Variants in HOGA1 observed in about 807,000 individuals in gnomAD.
HOGA1 encodes the protein 4-hydroxy-2-oxoglutarate aldolase, mitochondrial.
In HOGA1, 30 loss-of-function variants were observed where a neutral mutation model predicts 34.3. That is an observed-to-expected ratio of 0.87 (90% CI 0.65 to 1.19). The LOEUF is 1.19. HOGA1 is among the 50% of genes most tolerant of loss of function. The pLI, the probability that HOGA1 is intolerant of heterozygous loss-of-function variation, is 0.00. For synonymous variants in HOGA1, 161 were observed against 174.0 expected, an observed-to-expected ratio of 0.93 and a Z score of 0.59; for missense variants, 417 against 436.5, an observed-to-expected ratio of 0.96 and a Z score of 0.40.
chr10:97,585,531 T>G (rs532819493), intron 1 of HOGA1, among the ~76,000 whole-genome samples: 14 of 152,320 alleles, frequency 9.2e-5, no homozygotes, highest in Admixed American at 2.6e-4. Context: ...TGTCAAATTC[T>G]GCCTGCCCTG....
At chr10:97,593,050 A>AAAAAAAAG (rs2041040287) in intron 1 of HOGA1, among the ~76,000 whole-genome samples, 1 of 150,790 alleles carries the variant, frequency 6.6e-6, no homozygotes, top group African/African-American at 2.4e-5. Context: ...AAAAAAAAAA[A>AAAAAAAAG]AGAGAATGGT....
intron 2 of HOGA1, 92 bp downstream of exon 2, chr10:97,598,995 C>T (rs140206579): frequency 6.2e-7 from 1 of 1,607,850 alleles, no homozygotes; most frequent in African/African-American, 1.3e-5. Flanking sequence ...CTTGTTCTGC[C>T]TCTTCTGGGA....
At chr10:97,594,168 CTTTTTTTT>C (rs71007354) in intron 1 of HOGA1, among the ~76,000 whole-genome samples, 21 of 43,434 alleles carry the variant, frequency 4.8e-4, no homozygotes, top group African/African-American at 2.1e-3. Flanking sequence ...TGCGCCTGGT[CTTTTTTTT>C]TTTTTTTTTT....
chr10:97,608,935 A>C (rs1030214334), intron 6 of HOGA1, among the ~76,000 whole-genome samples: 6 of 152,026 alleles, frequency 3.9e-5, no homozygotes, highest in African/African-American at 1.5e-4. Flanking sequence ...GGCACTCCAC[A>C]ATATTTTGTT....
chr10:97,584,673 A>T lies in HOGA1; in HGVS notation c.-31A>T. On this transcript the variant is annotated 5_prime_UTR_variant, in exon 1 of 7. Coordinates refer to ENST00000370646, the MANE Select transcript of HOGA1 (RefSeq NM_138413.4). Reference sequence around the variant, plus strand: ...CAAACTAAGTCTCACTCTGGGACATAGACCAATTGTGCTTCAGGCCTCCTG... The same window carrying T: ...CAAACTAAGTCTCACTCTGGGACATTGACCAATTGTGCTTCAGGCCTCCTG... 6.4e-7 allele frequency: 1 copy of T among 1,561,776 alleles called. No individual in the cohort carries two copies. Among genetic ancestry groups the T allele is most frequent in the Non-Finnish European group, 8.8e-7 (1 of 1,138,310 alleles).
chr10:97,589,801 C>T, intron 1 of HOGA1: 1 of 888,368 alleles, frequency 1.1e-6, no homozygotes, highest in Non-Finnish European at 1.8e-6. Context: ...CTCTGCCTGC[C>T]TGGTGTAGGG....
intron 1 of HOGA1, among the ~76,000 whole-genome samples, chr10:97,585,514 A>G (rs1478326776): frequency 6.6e-6 from 1 of 152,190 alleles, no homozygotes; most frequent in African/African-American, 2.4e-5. Flanking sequence ...ATGAAGGTAG[A>G]AGAAAATGTC....
intron 1 of HOGA1, among the ~76,000 whole-genome samples, chr10:97,587,798 G>A (rs1439333269): frequency 1.3e-5 from 2 of 151,970 alleles, no homozygotes; most frequent in Admixed American, 6.6e-5. Context: ...GAGCCACCGC[G>A]CTGGGCCTCT....
At position 97,584,519 on chromosome 10, in the gene HOGA1, TGG is replaced by T. The variant is rs984017005; in HGVS notation, c.-182_-181del. 8 of 604,632 alleles carry T rather than the reference TGG, an allele frequency of 1.3e-5. No individual in the cohort carries two copies. The highest frequency in any genetic ancestry group is 2.3e-5 in the Non-Finnish European group (8 of 342,106). 37.5% of individuals were successfully genotyped at this position (604,632 alleles called of 1,614,324 possible). On this transcript the variant is annotated 5_prime_UTR_variant, in exon 1 of 7. Transcript: ENST00000370646. ...GCTACCCAGAAGGAACAGGGCCCCC[TGG>T]GGCCTATAGGCCTTGCCCCTGACCC...
intron 1 of HOGA1, among the ~76,000 whole-genome samples, chr10:97,594,325 G>A (rs190270728): frequency 5.9e-5 from 9 of 151,736 alleles, no homozygotes; most frequent in South Asian, 2.1e-4. Flanking sequence ...ACAGGTGCGC[G>A]CCTCCATGCT....
rs772566254 is a variant in HOGA1 at position 97,598,872 on chromosome 10, C to G, written c.309C>G (p.Asn103Lys). ...GTGTGCGCCAGGCCATGCCCAAGAA[C>G]AGGCTCCTGCTAGCTGGCTCCGGAT... ...VSRVRQAMPK[N>K]RLLLAGSGCE... Residue 103 changes from asparagine to lysine, a missense_variant, in exon 2 of 7, where the codon AAC (asparagine) becomes AAG (lysine). Transcript: ENST00000370646. 1.9e-6 allele frequency: 3 copies of G among 1,614,172 alleles called. No homozygotes were observed. Among genetic ancestry groups the G allele is most frequent in the East Asian group, 2.2e-5 (1 of 44,880 alleles).
rs182710970 is a variant in HOGA1, at chr10:97,602,811, A to C, written c.834+821A>C. Among the ~76,000 whole-genome samples the C allele has an allele frequency of 1.6e-4, 25 of 151,844 alleles. No homozygotes were observed. In the East Asian group the frequency reaches 4.9e-3, roughly 30 times the overall value. On this transcript the variant is annotated intron_variant, in intron 6 of 6. Transcript: ENST00000370646. Reference sequence around the variant, plus strand: ...TTCTTGTGCCTCACACTCCTGAATAACAGAGATTACACGTGTGCACCACCA... The same window carrying C: ...TTCTTGTGCCTCACACTCCTGAATACCAGAGATTACACGTGTGCACCACCA...
intron 1 of HOGA1, among the ~76,000 whole-genome samples, chr10:97,594,488 G>A: frequency 6.6e-6 from 1 of 151,926 alleles, no homozygotes; most frequent in East Asian, 1.9e-4. Flanking sequence ...CTGAGTAACT[G>A]GGATTACAGG....
chr10:97,588,875 T>C (rs1015537354), intron 1 of HOGA1, among the ~76,000 whole-genome samples: 3 of 152,094 alleles, frequency 2.0e-5, no homozygotes, highest in Non-Finnish European at 4.4e-5. Flanking sequence ...CTAGATGCTT[T>C]TGAGGGGAAA....
At chr10:97,608,244 G>C (rs957743340) in intron 6 of HOGA1, among the ~76,000 whole-genome samples, 1 of 152,174 alleles carries the variant, frequency 6.6e-6, no homozygotes, top group Non-Finnish European at 1.5e-5. Flanking sequence ...CCGTGAGGTC[G>C]AGGCTGCAGT....
chr10:97,611,992 G>A lies in HOGA1; in HGVS notation c.*333G>A. ...TCAGAAAGGAAGGGCAGAGGGGCAA[G>A]TAGGCACAGTAAGGGAATTTTCTTT... On this transcript the variant is annotated 3_prime_UTR_variant, in exon 7 of 7. Transcript: ENST00000370646. 1 of 284,798 alleles carries A rather than the reference G, an allele frequency of 3.5e-6. No homozygotes were observed. The highest frequency in any genetic ancestry group is 6.7e-6 in the Non-Finnish European group (1 of 150,068). 17.6% of individuals were successfully genotyped at this position (284,798 alleles called of 1,614,324 possible). A position where few individuals can be genotyped will look rare whatever the true frequency, so the allele number is the denominator to read the frequency against.
At chr10:97,607,914 C>G (rs933459406) in intron 6 of HOGA1, among the ~76,000 whole-genome samples, 20 of 152,178 alleles carry the variant, frequency 1.3e-4, no homozygotes, top group African/African-American at 4.8e-4. Context: ...ATTTCATATA[C>G]CAAAAACATG....
At chr10:97,611,389 C>A in intron 6 of HOGA1, 121 bp from the exon 7 acceptor site, 1 of 1,115,316 alleles carries the variant, frequency 9.0e-7, no homozygotes, top group Non-Finnish European at 1.3e-6. Context: ...ATAGAGTTGG[C>A]AGTTACTTTC....
intron 6 of HOGA1, among the ~76,000 whole-genome samples, chr10:97,611,234 T>C (rs1277377232): frequency 6.6e-6 from 1 of 152,150 alleles, no homozygotes; most frequent in Non-Finnish European, 1.5e-5. Flanking sequence ...GAGGACCAAA[T>C]ACCACTCTCC....
Sources: gnomAD v4.1 joint callset for allele counts (sites outside exome capture counted in the v4.1 genomes callset) on GRCh38, gnomAD v4.1.1 for gene constraint, MANE v1.5 for transcripts, NCBI Gene and HGNC (gene_info 2026-07-23, HGNC 2026-07-21) for gene names.